Variants in GALE observed in about 807,000 individuals in gnomAD.
GALE encodes UDP-galactose-4-epimerase.
Under a neutral mutation model 44.1 loss-of-function variants are expected in GALE, and 32 were observed. The observed-to-expected ratio is 0.73, with a 90% CI of 0.55 to 0.97. The LOEUF is 0.97. GALE is among the 50% of genes least tolerant of loss of function. The pLI is 0.00. For synonymous variants in GALE, 182 were observed against 183.5 expected (o/e 0.99, Z 0.06); for missense variants, 423 against 455.6 (o/e 0.93, Z 0.65).
chr1:23,798,650 A>C lies in GALE; in HGVS notation c.202T>G (p.Leu68Val), dbSNP rs867763763. The C allele has an allele frequency of 6.2e-7, 1 of 1,613,760 alleles. No individual in the cohort carries two copies. The highest frequency in any genetic ancestry group is 1.7e-5 in the Admixed American group (1 of 59,990). The change falls in exon 4 of 12, where the codon TTG becomes GTG. Residue 68 changes from leucine (L) to valine (V), a missense_variant. Physicochemically the swap from Leu to Val is conservative, Grantham distance 32 (BLOSUM62 1). Coordinates refer to ENST00000617979, the MANE Select transcript of GALE (RefSeq NM_001008216.2). The surrounding 1 kb of genome is among the most constrained non-coding windows in gnomAD (Gnocchi z 4.5). ...RSVEFEEMDI[L>V]DQGALQRLFK... is the part of the protein sequence containing the mutation. Reference sequence around the variant, plus strand: ...AGACGCTGTAGGGCTCCCTGGTCCAAAATGTCCATCTCCTCAAACTCCACA... The same window carrying C: ...AGACGCTGTAGGGCTCCCTGGTCCACAATGTCCATCTCCTCAAACTCCACA...
rs566635047 is a variant in GALE at position 23,798,465 on chromosome 1, C to G, written c.237+150G>C. 2.4e-4 allele frequency: 173 copies of G among 706,998 alleles called. No homozygotes were observed. The African/African-American group carries it at 2.6e-3, about 11-fold the overall frequency. The allele number at this position is 706,998 out of a possible 1,614,324, so 43.8% of individuals were successfully genotyped here. ...GACCACAGGTATGGGCTACCATGCC[C>G]AGCTAATTTTTGTATTTTTCTGTAG... On this transcript the variant is annotated intron_variant, in intron 4 of 11. Coordinates refer to ENST00000617979, the MANE Select transcript of GALE (RefSeq NM_001008216.2). The surrounding 1 kb of genome is among the most constrained non-coding windows in gnomAD (Gnocchi z 4.5).
In GALE at chr1:23,796,297, G is replaced by T; in HGVS notation, c.874-32C>A. Reference sequence around the variant, plus strand: ...GACAGGAGGTAGTTGGAGCTTAGCTGAGCCGGCCCTGGCCCAGCTGCTGGC... The same window carrying T: ...GACAGGAGGTAGTTGGAGCTTAGCTTAGCCGGCCCTGGCCCAGCTGCTGGC... On this transcript the variant is annotated intron_variant, in intron 10 of 11. Coordinates refer to ENST00000617979, the MANE Select transcript of GALE (RefSeq NM_001008216.2). The surrounding 1 kb of genome is among the most constrained non-coding windows in gnomAD (Gnocchi z 5.2). 1 of 1,596,360 alleles carries T rather than the reference G, an allele frequency of 6.3e-7. No homozygotes were observed. The highest frequency in any genetic ancestry group is 1.1e-5 in the South Asian group (1 of 90,752).
Position 23,796,919 on chromosome 1 carries a change from G to A in GALE, c.666C>T (p.Ala222=), listed in dbSNP as rs373260456. Residue 222 remains alanine (A), a synonymous_variant, in exon 8 of 12, where the codon GCC becomes GCT. Coordinates refer to ENST00000617979, the MANE Select transcript of GALE (RefSeq NM_001008216.2). This position sits in a 1 kb window ranked among gnomAD's most constrained non-coding sequence, Gnocchi z 5.2. The part of the protein sequence containing the change: ...VSQVAIGRRE[A]LNVFGNDYDT... The stretch of plus-strand genomic sequence containing the variant: ...CATAGTCATTGCCAAAGACATTCAG[G>A]GCCTCCCGTCGCCCGATCGCCACCT... 7 of 1,613,640 alleles carry A rather than the reference G, an allele frequency of 4.3e-6. No individual in the cohort carries two copies. Among genetic ancestry groups the A allele is most frequent in the Non-Finnish European group, 5.1e-6 (6 of 1,179,860 alleles).
rs767235159 is a variant in GALE, at chr1:23,796,820, C to G, written c.710-38G>C. The G allele has an allele frequency of 1.2e-6, 2 of 1,607,474 alleles. No individual in the cohort carries two copies. Among genetic ancestry groups the G allele is most frequent in the Non-Finnish European group, 1.7e-6 (2 of 1,176,636 alleles). ...GAGTGTGTTGGATGGGGAGTCTGTTCCCCCTGACTCTCCTTCCTGGCTCCC... is the reference window on the plus strand; with the variant it reads ...GAGTGTGTTGGATGGGGAGTCTGTTGCCCCTGACTCTCCTTCCTGGCTCCC... On this transcript the variant is annotated intron_variant, in intron 8 of 11. Transcript: ENST00000617979. This position sits in a 1 kb window ranked among gnomAD's most constrained non-coding sequence, Gnocchi z 5.2.
chr1:23,799,084 G>GC (rs1639054800), intron 2 of GALE, 72 bp from the exon 3 acceptor site: 1 of 1,603,094 alleles, frequency 6.2e-7, no homozygotes, highest in Non-Finnish European at 8.5e-7. Context: ...CTGGAATCCT[G>GC]CCCCCTAAGC....
chr1:23,799,242 G>T, intron 2 of GALE, 124 bp downstream of exon 2: 1 of 587,402 alleles, frequency 1.7e-6, no homozygotes, highest in Non-Finnish European at 3.0e-6. Context: ...CTGTAAAACA[G>T]AGCTAATAAT....
chr1:23,798,895 G>T lies in GALE; in HGVS notation c.113C>A (p.Ala38Asp). The T allele has an allele frequency of 6.2e-7, 1 of 1,614,192 alleles. No homozygotes were observed. The highest frequency in any genetic ancestry group is 8.5e-7 in the Non-Finnish European group (1 of 1,180,036). The change falls in exon 3 of 12, where the codon GCC becomes GAC. Residue 38 changes from alanine (A) to aspartate (D), a missense_variant. Transcript: ENST00000617979. This position sits in a 1 kb window ranked among gnomAD's most constrained non-coding sequence, Gnocchi z 4.5. ...LPVVIDNFHNAFRGGGSLPES... is the reference protein window; with the variant it reads ...LPVVIDNFHNDFRGGGSLPES... ...CCCACTGCCCCGCTCACCACGGAAG[G>T]CATTATGGAAGTTATCGATGACCAC...
Position 23,795,834 on chromosome 1 carries a change from T to G in GALE, c.*115A>C. 3 of 1,037,284 alleles carry G rather than the reference T, an allele frequency of 2.9e-6. No homozygotes were observed. Among genetic ancestry groups the G allele is most frequent in the Non-Finnish European group, 4.5e-6 (3 of 674,090 alleles). The allele number at this position is 1,037,284 out of a possible 1,614,324, so 64.3% of individuals were successfully genotyped here. Reference sequence around the variant, plus strand: ...GTGGGCTAAGCGGGCCCAGCTGGGGTTTGAGGTAGGGGAGGCCTTGGCTTG... The same window carrying G: ...GTGGGCTAAGCGGGCCCAGCTGGGGGTTGAGGTAGGGGAGGCCTTGGCTTG... On this transcript the variant is annotated 3_prime_UTR_variant, in exon 12 of 12. Coordinates refer to ENST00000617979, the MANE Select transcript of GALE (RefSeq NM_001008216.2).
At position 23,797,153 on chromosome 1, in the gene GALE, G is replaced by A; in HGVS notation, c.529-6C>T. 6.3e-7 allele frequency: 1 copy of A among 1,598,658 alleles called. No homozygotes were observed. The highest frequency in any genetic ancestry group is 8.5e-7 in the Non-Finnish European group (1 of 1,171,588). On this transcript the variant is annotated splice_polypyrimidine_tract_variant and splice_region_variant and intron_variant, in intron 6 of 11. Coordinates refer to ENST00000617979, the MANE Select transcript of GALE (RefSeq NM_001008216.2). The stretch of plus-strand genomic sequence containing the variant: ...AGCAGCACTGCGTTCCAAGTCTGTG[G>A]GATGTGGGTCAGGTGGTGAGGCCAG...
rs368637540 is a variant in GALE, at chr1:23,795,992, C to T, written c.1004G>A (p.Arg335His). The T allele has an allele frequency of 1.1e-5, 18 of 1,614,026 alleles. No homozygotes were observed. In the East Asian group the frequency reaches 1.8e-4, roughly 16 times the overall value. Residue 335 changes from arginine (R) to histidine (H), a missense_variant, in exon 12 of 12, where the codon CGC (arginine) becomes CAC (histidine). Arg to His is a conservative substitution (Grantham distance 29). Coordinates refer to ENST00000617979, the MANE Select transcript of GALE (RefSeq NM_001008216.2). The stretch of plus-strand genomic sequence containing the variant: ...GCCTGAAGGATTCTGCTTCTGCCAG[C>T]GCCAGAGATCCTCACCTGCAACACG... ...GLDRMCEDLW[R>H]WQKQNPSGFG...
chr1:23,796,053 G>A lies in GALE; in HGVS notation c.989-46C>T. ...TGCTCAGGGCCCACGGTGGAATGCA[G>A]AGCCTCCCCCACCCCACAGCCCGCC... On this transcript the variant is annotated intron_variant, in intron 11 of 11. Transcript: ENST00000617979. The surrounding 1 kb of genome is among the most constrained non-coding windows in gnomAD (Gnocchi z 5.2). 6.2e-7 allele frequency: 1 copy of A among 1,609,570 alleles called. No homozygotes were observed. Among genetic ancestry groups the A allele is most frequent in the Non-Finnish European group, 8.5e-7 (1 of 1,176,508 alleles).
At position 23,798,120 on chromosome 1, in the gene GALE, C is replaced by T; in HGVS notation, c.348G>A (p.Leu116=). 1 of 1,612,694 alleles carries T rather than the reference C, an allele frequency of 6.2e-7. No individual in the cohort carries two copies. ...TGCCCTGTCCCATGCCTCTCACCTC[C>T]AGAAGCTGGATGGTCCCGGTCAGGT... is the stretch of plus-strand genomic sequence containing the variant. The part of the protein sequence containing the change: ...RVNLTGTIQL[L]EIMKAHGVKN... The change falls in exon 5 of 12, where the codon CTG becomes CTA. Residue 116 remains leucine (L), a synonymous_variant. Coordinates refer to ENST00000617979, the MANE Select transcript of GALE (RefSeq NM_001008216.2). This position sits in a 1 kb window ranked among gnomAD's most constrained non-coding sequence, Gnocchi z 4.5.
rs762599048 is a variant in GALE at position 23,798,917 on chromosome 1, C to T, written c.91G>A (p.Val31Ile). ...AAGGCATTATGGAAGTTATCGATGA[C>T]CACAGGCAAGTAGCCAGCCTCCAGC... is the stretch of plus-strand genomic sequence containing the variant. Reference protein sequence around the residue: ...ELLEAGYLPVVIDNFHNAFRG... With the variant: ...ELLEAGYLPVIIDNFHNAFRG... Residue 31 changes from valine (V) to isoleucine (I), a missense_variant, in exon 3 of 12, where the codon GTC becomes ATC. Coordinates refer to ENST00000617979, the MANE Select transcript of GALE (RefSeq NM_001008216.2). The surrounding 1 kb of genome is among the most constrained non-coding windows in gnomAD (Gnocchi z 4.5). 2 of 1,614,190 alleles carry T rather than the reference C, an allele frequency of 1.2e-6. No homozygotes were observed. Among genetic ancestry groups the T allele is most frequent in the Non-Finnish European group, 1.7e-6 (2 of 1,180,038 alleles).
In GALE at chr1:23,797,718, G is replaced by T. The variant is rs137853859; in HGVS notation, c.505C>A (p.Arg169=). 60 of 1,613,974 alleles carry T rather than the reference G, an allele frequency of 3.7e-5. No homozygotes were observed. Among genetic ancestry groups the T allele is most frequent in the Non-Finnish European group, 4.7e-5 (56 of 1,180,008 alleles). Residue 169 remains arginine, a synonymous_variant, in exon 6 of 12, where the codon CGG becomes AGG. Transcript: ENST00000617979. ...KSKFFIEEMI[R]DLCQADKTWN... ...ACCTTGTCTGCCTGGCACAGGTCCCGGATCATTTCCTCGATGAAGAACTTG... is the reference window on the plus strand; with the variant it reads ...ACCTTGTCTGCCTGGCACAGGTCCCTGATCATTTCCTCGATGAAGAACTTG...
Position 23,796,254 on chromosome 1 carries a change from C to G in GALE, c.885G>C (p.Lys295Asn), listed in dbSNP as rs1369229956. The change falls in exon 11 of 12, where the codon AAG becomes AAC. Residue 295 changes from lysine to asparagine, a missense_variant. Coordinates refer to ENST00000617979, the MANE Select transcript of GALE (RefSeq NM_001008216.2). This position sits in a 1 kb window ranked among gnomAD's most constrained non-coding sequence, Gnocchi z 5.2. ...EKASGKKIPYKVVARREGDVA... is the reference protein window; with the variant it reads ...EKASGKKIPYNVVARREGDVA... ...CATCACCTTCCCGCCGTGCCACCACCTTGTACGGGATCTGCAAGACAGGAG... is the reference window on the plus strand; with the variant it reads ...CATCACCTTCCCGCCGTGCCACCACGTTGTACGGGATCTGCAAGACAGGAG... The G allele has an allele frequency of 5.6e-6, 9 of 1,613,978 alleles. No individual in the cohort carries two copies. Among genetic ancestry groups the G allele is most frequent in the Non-Finnish European group, 6.8e-6 (8 of 1,179,960 alleles).
Position 23,798,921 on chromosome 1 carries a change from AG to A in GALE, c.86del (p.Pro29LeufsTer27). The A allele has an allele frequency of 1.2e-6, 2 of 1,614,186 alleles. No homozygotes were observed. Among genetic ancestry groups the A allele is most frequent in the Non-Finnish European group, 1.7e-6 (2 of 1,180,032 alleles). The stretch of plus-strand genomic sequence containing the variant: ...CATTATGGAAGTTATCGATGACCAC[AG>A]GCAAGTAGCCAGCCTCCAGCAGCTC... ...VLELLEAGYL[P>X]VVIDNFHNAF... is the part of the protein sequence containing the mutation. On this transcript the variant is annotated frameshift_variant, in exon 3 of 12. Coordinates refer to ENST00000617979, the MANE Select transcript of GALE (RefSeq NM_001008216.2). LOFTEE classifies it high-confidence loss of function. The surrounding 1 kb of genome is among the most constrained non-coding windows in gnomAD (Gnocchi z 4.5).
intron 2 of GALE, 89 bp downstream of exon 2, chr1:23,799,277 G>A: frequency 2.0e-6 from 1 of 501,438 alleles, no homozygotes; most frequent in Non-Finnish European, 3.6e-6. Flanking sequence ...GAGGCAGCGT[G>A]AGGGTTCAGT....
In GALE at chr1:23,796,214, CG is replaced by C; in HGVS notation, c.924del (p.Tyr308Ter). ...TCCTCTTGGGCCAGGCTGGGGTTGG[CG>C]TAACAGGCTGCCACATCACCTTCCC... is the stretch of plus-strand genomic sequence containing the variant. ...ARREGDVAAC[Y>X]ANPSLAQEEL... On this transcript the variant is annotated frameshift_variant, in exon 11 of 12. Coordinates refer to ENST00000617979, the MANE Select transcript of GALE (RefSeq NM_001008216.2). LOFTEE classifies it high-confidence loss of function. This position sits in a 1 kb window ranked among gnomAD's most constrained non-coding sequence, Gnocchi z 5.2. 6.2e-7 allele frequency: 1 copy of C among 1,614,104 alleles called. No individual in the cohort carries two copies. Among genetic ancestry groups the C allele is most frequent in the Non-Finnish European group, 8.5e-7 (1 of 1,180,008 alleles).
In GALE at chr1:23,798,785, G is replaced by A. The variant is rs371077021; in HGVS notation, c.122-55C>T. On this transcript the variant is annotated intron_variant, in intron 3 of 11. Coordinates refer to ENST00000617979, the MANE Select transcript of GALE (RefSeq NM_001008216.2). The surrounding 1 kb of genome is among the most constrained non-coding windows in gnomAD (Gnocchi z 4.5). ...ACGACATGGGGTGCTGTGTTCCCAG[G>A]GACTAGCCAGACACACATTCCCCGC... 1.9e-6 allele frequency: 3 copies of A among 1,608,032 alleles called. No individual in the cohort carries two copies. Among genetic ancestry groups the A allele is most frequent in the African/African-American group, 2.7e-5 (2 of 74,944 alleles).
Sources: allele counts gnomAD v4.1 joint callset, GRCh38; gene constraint gnomAD v4.1.1; non-coding constraint Gnocchi (gnomAD v3.1); transcripts MANE v1.5; gene names NCBI Gene and HGNC (gene_info 2026-07-23, HGNC 2026-07-21).